The following DENND1B variants were observed in gnomAD, a reference collection of about 807,000 sequenced individuals.
DENND1B encodes the protein DENN domain containing 1B.
Under a neutral mutation model 90.1 loss-of-function variants are expected in DENND1B, and 59 were observed. That is an observed-to-expected ratio of 0.65 (90% CI 0.53 to 0.81). DENND1B has a LOEUF of 0.81. DENND1B is among the 40% of genes least tolerant of loss of function. The pLI is 0.00. For missense variants in DENND1B, 862 were observed against 912.6 expected (o/e 0.94, Z 0.71); for synonymous variants, 337 against 324.6 (o/e 1.04, Z -0.41).
upstream of DENND1B, among the ~76,000 whole-genome samples, chr1:197,779,350 G>A (rs1012389201): frequency 1.3e-5 from 2 of 151,956 alleles, no homozygotes; most frequent in African/African-American, 2.4e-5. Flanking sequence ...TTTCATTTTT[G>A]TCTTTAGTTT....
At position 197,508,463 on chromosome 1, in the gene DENND1B, T is replaced by C. The variant is rs978804121; in HGVS notation, c.*1997A>G. On this transcript the variant is annotated 3_prime_UTR_variant, in exon 23 of 23. Coordinates refer to ENST00000620048, the MANE Select transcript of DENND1B (RefSeq NM_001195215.2). ...AAGGATTAAACATTGTTTTCCTTAATGTATACAGTCCATACTTATAAGGGA... is the reference window on the plus strand; with the variant it reads ...AAGGATTAAACATTGTTTTCCTTAACGTATACAGTCCATACTTATAAGGGA... 6.6e-6 allele frequency: 1 copy of C among 151,754 alleles called. No individual in the cohort carries two copies. The highest frequency in any genetic ancestry group is 2.4e-5 in the African/African-American group (1 of 41,394). 9.4% of individuals were successfully genotyped at this position (151,754 alleles called of 1,614,324 possible). A position where few individuals can be genotyped will look rare whatever the true frequency, so the allele number is the denominator to read the frequency against.
chr1:197,525,416 G>C (rs1012504192), intron 20 of DENND1B, among the ~76,000 whole-genome samples: 1 of 151,990 alleles, frequency 6.6e-6, no homozygotes, highest in African/African-American at 2.4e-5. Flanking sequence ...TTGATAAATG[G>C]TAAGCTATTT....
intron 2 of DENND1B, among the ~76,000 whole-genome samples, chr1:197,767,040 T>G (rs1041189085): frequency 6.6e-6 from 1 of 152,024 alleles, no homozygotes; most frequent in Non-Finnish European, 1.5e-5. Context: ...ATGATCTACC[T>G]GCCTCTGCCT....
chr1:197,584,032 C>A (rs1674478742), intron 14 of DENND1B, among the ~76,000 whole-genome samples: 1 of 151,810 alleles, frequency 6.6e-6, no homozygotes, highest in Non-Finnish European at 1.5e-5. Context: ...AACTTTATGA[C>A]AAAAATGAAA....
At chr1:197,522,942 G>A (rs554280457) in intron 20 of DENND1B, among the ~76,000 whole-genome samples, 1 of 152,140 alleles carries the variant, frequency 6.6e-6, no homozygotes, top group Non-Finnish European at 1.5e-5. Context: ...GCTTAGAATA[G>A]CTGAGCGTCT....
In DENND1B at chr1:197,625,897, A is replaced by T. The variant is rs147432333; in HGVS notation, c.673-8138T>A. Among the ~76,000 whole-genome samples the T allele has an allele frequency of 3.1e-3, 467 of 152,302 alleles. 5 individuals carry two copies. The highest frequency in any genetic ancestry group is 0.026 in the East Asian group (132 of 5,176). ...CTAGTCTCTGATAAAACATACTTTA[A>T]ACCAACAGAGATCAAAAGAGACAAA... is the stretch of plus-strand genomic sequence containing the variant. On this transcript the variant is annotated intron_variant, in intron 10 of 22. Transcript: ENST00000620048.
chr1:197,528,864 A>AG (rs1365423974), intron 20 of DENND1B, among the ~76,000 whole-genome samples: 70 of 151,744 alleles, frequency 4.6e-4, no homozygotes, highest in Non-Finnish European at 8.4e-4. Context: ...ATCTCAAAAA[A>AG]AAAAAAAAAT....
intron 3 of DENND1B, among the ~76,000 whole-genome samples, chr1:197,706,954 A>G (rs902231643): frequency 6.6e-6 from 1 of 152,216 alleles, no homozygotes; most frequent in African/African-American, 2.4e-5. Flanking sequence ...GAAAATCAGT[A>G]TACCAAAGAG....
At chr1:197,550,463 C>A (rs1020701179) in intron 16 of DENND1B, among the ~76,000 whole-genome samples, 1 of 151,892 alleles carries the variant, frequency 6.6e-6, no homozygotes, top group Admixed American at 6.6e-5. Flanking sequence ...ACATATACAC[C>A]ATGGAATACT....
intron 20 of DENND1B, among the ~76,000 whole-genome samples, chr1:197,529,704 GA>G (rs918118910): frequency 1.2e-4 from 19 of 152,060 alleles, no homozygotes; most frequent in African/African-American, 4.6e-4. Context: ...TCTTAGAAAA[GA>G]AAATGTTAGT....
intron 15 of DENND1B, among the ~76,000 whole-genome samples, chr1:197,564,913 G>A (rs940330209): frequency 2.0e-5 from 3 of 151,936 alleles, no homozygotes; most frequent in African/African-American, 7.2e-5. Flanking sequence ...GATGCTGGGA[G>A]AAAAAGTATC....
intron 2 of DENND1B, among the ~76,000 whole-genome samples, chr1:197,730,872 T>G (rs910947981): frequency 3.9e-5 from 6 of 152,082 alleles, no homozygotes; most frequent in African/African-American, 1.4e-4. Context: ...CATATATAAA[T>G]TATATATGTA....
At chr1:197,642,969 C>A in intron 9 of DENND1B, 148 bp from the exon 10 acceptor site, 1 of 549,192 alleles carries the variant, frequency 1.8e-6, no homozygotes, top group Non-Finnish European at 3.2e-6. Context: ...TAATACTAGT[C>A]GGCTGCCACA....
chr1:197,741,328 T>G (rs940322767), intron 2 of DENND1B, among the ~76,000 whole-genome samples: 1 of 152,192 alleles, frequency 6.6e-6, no homozygotes, highest in Non-Finnish European at 1.5e-5. Context: ...TAAGGATGTA[T>G]TACCCAAAAA....
At chr1:197,642,626 G>T in intron 10 of DENND1B, 85 bp downstream of exon 10, 1 of 859,104 alleles carries the variant, frequency 1.2e-6, no homozygotes, top group Non-Finnish European at 1.8e-6. Context: ...AGTACACATA[G>T]CACATTTCTA....
chr1:197,692,433 C>A (rs1386969724), intron 3 of DENND1B, among the ~76,000 whole-genome samples: 1 of 151,716 alleles, frequency 6.6e-6, no homozygotes, highest in African/African-American at 2.4e-5. Context: ...ACCTTTGTAG[C>A]CTCAGTATCA....
intron 5 of DENND1B, among the ~76,000 whole-genome samples, chr1:197,671,372 C>T (rs139868081): frequency 6.6e-6 from 1 of 152,112 alleles, no homozygotes; most frequent in Non-Finnish European, 1.5e-5. Context: ...AAACTACCTA[C>T]TGAATCAAGG....
intron 6 of DENND1B, among the ~76,000 whole-genome samples, chr1:197,654,436 CG>C: frequency 6.6e-6 from 1 of 151,932 alleles, no homozygotes; most frequent in East Asian, 1.9e-4. Context: ...ACAGTGAAAC[CG>C]CGTCTCTACT....
intron 10 of DENND1B, among the ~76,000 whole-genome samples, chr1:197,630,169 T>C (rs1572128373): frequency 6.6e-6 from 1 of 152,240 alleles, no homozygotes; most frequent in East Asian, 1.9e-4. Context: ...TTTTATACTT[T>C]ATTTTCTTCC....
Sources: gnomAD v4.1 joint callset for allele counts (sites outside exome capture counted in the v4.1 genomes callset) on GRCh38, gnomAD v4.1.1 for gene constraint, MANE v1.5 for transcripts, NCBI Gene and HGNC (gene_info 2026-07-23, HGNC 2026-07-21) for gene names.